NRG1: variants seen among roughly 807,000 people sequenced by gnomAD.
NRG1 encodes the protein pro-neuregulin-1, membrane-bound isoform.
A neutral mutation model predicts 63.8 loss-of-function variants in NRG1; 18 were observed. That is an observed-to-expected ratio of 0.28 (90% confidence interval 0.19 to 0.42). The LOEUF (loss-of-function observed/expected upper bound fraction) is 0.42. NRG1 is among the 10% of genes least tolerant of loss of function. NRG1 has a pLI of 1.00. For synonymous variants in NRG1, 302 were observed against 301.3 expected, an observed-to-expected ratio of 1.00 and a Z score of -0.02; for missense variants, 762 against 814.7, an observed-to-expected ratio of 0.94 and a Z score of 0.79.
At chr8:32,635,169 A>G (rs1440210158) in intron 5 of NRG1, among the ~76,000 whole-genome samples, 1 of 152,226 alleles carries the variant, frequency 6.6e-6, no homozygotes, top group East Asian at 1.9e-4. Context: ...GAAGAAAAGG[A>G]AAACTATAAG....
intron 5 of NRG1, among the ~76,000 whole-genome samples, chr8:32,690,980 T>TGTGTGTGTGTGTGTGTGTG (rs759954971): frequency 6.8e-6 from 1 of 146,456 alleles, no homozygotes; most frequent in African/African-American, 2.6e-5. Flanking sequence ...TGTGTGTGTG[T>TGTGTGTGTGTGTGTGTGTG]TAGCCATTTA....
intron 1 of NRG1, among the ~76,000 whole-genome samples, chr8:31,682,505 C>T (rs1334852761): frequency 6.6e-6 from 1 of 152,090 alleles, no homozygotes; most frequent in African/African-American, 2.4e-5. Flanking sequence ...ACACATTGTA[C>T]TAAAGTCGAT....
chr8:31,743,737 C>T (rs1586087480), intron 1 of NRG1, among the ~76,000 whole-genome samples: 1 of 152,074 alleles, frequency 6.6e-6, no homozygotes, highest in East Asian at 1.9e-4. Context: ...AAAGCTCCAG[C>T]AGATCCTTTC....
intron 1 of NRG1, among the ~76,000 whole-genome samples, chr8:31,889,673 GCATGTCACTGCACATTTACCTC>G (rs1830996505): frequency 6.6e-6 from 1 of 152,180 alleles, no homozygotes; most frequent in African/African-American, 2.4e-5. Flanking sequence ...CCAACCCCTT[GCATGTCACTGCACATTTACCTC>G]CAGAAGTAAA....
chr8:31,962,697 A>C (rs1247235405), intron 1 of NRG1, among the ~76,000 whole-genome samples: 1 of 152,188 alleles, frequency 6.6e-6, no homozygotes, highest in Admixed American at 6.5e-5. Context: ...CAAGCAATCA[A>C]TATCTAATTC....
intron 1 of NRG1, among the ~76,000 whole-genome samples, chr8:31,915,897 A>G (rs1233802860): frequency 6.6e-6 from 1 of 152,100 alleles, no homozygotes; most frequent in Non-Finnish European, 1.5e-5. Context: ...TTTTTTAAGA[A>G]ACATGTTAAA....
At chr8:32,759,583 A>C in intron 10 of NRG1, 147 bp downstream of exon 10, 1 of 990,204 alleles carries the variant, frequency 1.0e-6, no homozygotes, top group South Asian at 1.9e-5. Flanking sequence ...CTTTGCCCTT[A>C]ATTCCTGCAT....
intron 1 of NRG1, among the ~76,000 whole-genome samples, chr8:31,744,600 G>A (rs62506959): frequency 0.22 from 33,962 of 151,792 alleles, 4,773 homozygotes; most frequent in East Asian, 0.67. Flanking sequence ...TTATCATGAA[G>A]TTAAGGATCT....
At chr8:31,672,236 G>GT (rs930485924) in intron 1 of NRG1, among the ~76,000 whole-genome samples, 16 of 151,928 alleles carry the variant, frequency 1.1e-4, no homozygotes, top group Admixed American at 2.6e-4. Flanking sequence ...TTTGTGAAGA[G>GT]TTTTTTTTCC....
At chr8:31,915,070 CA>C (rs1833266887) in intron 1 of NRG1, among the ~76,000 whole-genome samples, 1 of 82,048 alleles carries the variant, frequency 1.2e-5, no homozygotes, top group Non-Finnish European at 2.5e-5. Context: ...TTGTTCAGAC[CA>C]TTTTTTTTTT....
intron 1 of NRG1, among the ~76,000 whole-genome samples, chr8:32,304,520 C>T (rs1192182094): frequency 2.6e-5 from 4 of 151,618 alleles, no homozygotes; most frequent in African/African-American, 9.7e-5. Context: ...GTAAAACTTT[C>T]AAAAAAATCC....
chr8:32,762,251 A>C (rs572945662), intron 11 of NRG1, among the ~76,000 whole-genome samples: 1 of 152,100 alleles, frequency 6.6e-6, no homozygotes, highest in Non-Finnish European at 1.5e-5. Flanking sequence ...AAGGAAGTCT[A>C]TCCATTCTGT....
At chr8:31,650,513 C>A (rs868656688) in intron 1 of NRG1, among the ~76,000 whole-genome samples, 4 of 152,246 alleles carry the variant, frequency 2.6e-5, no homozygotes, top group South Asian at 2.1e-4. Context: ...CTTCTTCCAC[C>A]CTCATTTCTA....
intron 1 of NRG1, among the ~76,000 whole-genome samples, chr8:31,644,531 T>G (rs1006949926): frequency 1.3e-5 from 2 of 152,058 alleles, no homozygotes; most frequent in Non-Finnish European, 2.9e-5. Context: ...TATGTCCTGA[T>G]GTATTAAGTA....
intron 1 of NRG1, among the ~76,000 whole-genome samples, chr8:31,870,293 A>G (rs973133824): frequency 6.6e-6 from 1 of 152,212 alleles, no homozygotes; most frequent in Non-Finnish European, 1.5e-5. Context: ...ATGGGTTAAC[A>G]TAATCAGAAG....
intron 1 of NRG1, among the ~76,000 whole-genome samples, chr8:32,009,343 A>C (rs1033971454): frequency 3.9e-5 from 6 of 152,020 alleles, no homozygotes; most frequent in African/African-American, 1.4e-4. Flanking sequence ...TTGTATACAC[A>C]ATGGTTAACT....
At chr8:32,379,225 T>C (rs2129483242) in intron 1 of NRG1, among the ~76,000 whole-genome samples, 1 of 152,254 alleles carries the variant, frequency 6.6e-6, no homozygotes, top group South Asian at 2.1e-4. Context: ...AAAAAACACT[T>C]ATCAAACATG....
At chr8:32,210,643 T>C (rs753351797) in intron 1 of NRG1, among the ~76,000 whole-genome samples, 3 of 152,176 alleles carry the variant, frequency 2.0e-5, no homozygotes, top group Admixed American at 6.5e-5. Context: ...AAAGCCAAAG[T>C]AGTTGAAAGC....
At chr8:32,015,000 C>T (rs999196408) in intron 1 of NRG1, among the ~76,000 whole-genome samples, 1 of 152,000 alleles carries the variant, frequency 6.6e-6, no homozygotes, top group Admixed American at 6.6e-5. Context: ...ACAGATTCTC[C>T]CTCACAGCAT....
Sources: gnomAD v4.1 joint callset for allele counts (sites outside exome capture counted in the v4.1 genomes callset) on GRCh38, gnomAD v4.1.1 for gene constraint, MANE v1.5 for transcripts, NCBI Gene and HGNC (gene_info 2026-07-23, HGNC 2026-07-21) for gene names.